Variants in CWF19L2 observed in about 807,000 individuals in gnomAD.
CWF19L2 encodes the protein CWF19-like protein 2.
In CWF19L2, 98 loss-of-function variants were observed where a neutral mutation model predicts 111.7. That is an observed-to-expected ratio of 0.88 (90% confidence interval 0.75 to 1.04). CWF19L2 has a LOEUF of 1.04. Among genes scored for constraint, CWF19L2 ranks in the 50% least tolerant of loss-of-function variants. The pLI is 0.00. For missense variants in CWF19L2, 1,101 were observed against 1,051.4 expected (o/e 1.05, Z -0.65); for synonymous variants, 351 against 342.9 (o/e 1.02, Z -0.26).
In CWF19L2 at chr11:107,454,591, G is replaced by A. The variant is rs1861827741; in HGVS notation, c.217-19C>T. On this transcript the variant is annotated intron_variant, in intron 2 of 17. Coordinates refer to ENST00000282251, the MANE Select transcript of CWF19L2 (RefSeq NM_152434.3). ...AGTGTTCCTACAATCATTTTGAACA[G>A]GCAAGAAAATAATTTAATTTCATCT... is the stretch of plus-strand genomic sequence containing the variant. 1.5e-6 allele frequency: 2 copies of A among 1,294,788 alleles called. No homozygotes were observed. The highest frequency in any genetic ancestry group is 2.0e-6 in the Non-Finnish European group (2 of 1,015,644). 80.2% of individuals were successfully genotyped at this position (1,294,788 alleles called of 1,614,324 possible).
At chr11:107,455,521 A>T (rs1343620661) in intron 2 of CWF19L2, 145 bp downstream of exon 2, 5 of 516,176 alleles carry the variant, frequency 9.7e-6, no homozygotes, top group Admixed American at 3.7e-5. Flanking sequence ...TGCCAAAGAG[A>T]TGAAACTATT....
At chr11:107,412,344 GTTT>G (rs1415821946) in intron 10 of CWF19L2, among the ~76,000 whole-genome samples, 1 of 152,186 alleles carries the variant, frequency 6.6e-6, no homozygotes, top group East Asian at 1.9e-4. Flanking sequence ...AGTTTTTTGG[GTTT>G]TTTTGTTTTT....
intron 8 of CWF19L2, among the ~76,000 whole-genome samples, chr11:107,428,272 C>T (rs898794494): frequency 1.3e-5 from 2 of 151,960 alleles, no homozygotes; most frequent in Non-Finnish European, 2.9e-5. Flanking sequence ...GTCAATTGCC[C>T]AAAGTGGATT....
rs753237667 is a variant in CWF19L2 at position 107,441,611 on chromosome 11, C to T, written c.462G>A (p.Trp154Ter). 1.3e-4 allele frequency: 197 copies of T among 1,528,984 alleles called. No individual in the cohort carries two copies. Among genetic ancestry groups the T allele is most frequent in the Non-Finnish European group, 7.9e-6 (9 of 1,139,952 alleles). The allele number at this position is 1,528,984 out of a possible 1,614,324, so 94.7% of individuals were successfully genotyped here. A position where few individuals can be genotyped will look rare whatever the true frequency, so the allele number is the denominator to read the frequency against. The part of the protein sequence containing the change: ...DDTQIIKRDE[W>*]MTVDFMSVKT... ...TAACAGACATAAAATCAACAGTCATCCACTCATCCCTCTGTTAAAAAAAAA... is the reference window on the plus strand; with the variant it reads ...TAACAGACATAAAATCAACAGTCATTCACTCATCCCTCTGTTAAAAAAAAA... The change falls in exon 5 of 18, where the codon TGG becomes TGA. Residue 154 changes from tryptophan to a stop codon, truncating the protein, a stop_gained. Coordinates refer to ENST00000282251, the MANE Select transcript of CWF19L2 (RefSeq NM_152434.3). LOFTEE classifies it high-confidence loss of function.
chr11:107,430,508 AG>A (rs1021688799), intron 7 of CWF19L2, among the ~76,000 whole-genome samples: 2 of 152,140 alleles, frequency 1.3e-5, no homozygotes, highest in Non-Finnish European at 2.9e-5. Flanking sequence ...AGCAATTCTG[AG>A]GGAAAAAAAT....
intron 10 of CWF19L2, among the ~76,000 whole-genome samples, chr11:107,393,907 G>A (rs1591180926): frequency 6.6e-6 from 1 of 152,216 alleles, no homozygotes; most frequent in East Asian, 1.9e-4. Context: ...AGTAATGGCT[G>A]AAAAAATTAC....
chr11:107,380,439 A>G (rs147729953), intron 12 of CWF19L2, among the ~76,000 whole-genome samples: 24 of 152,324 alleles, frequency 1.6e-4, no homozygotes, highest in Non-Finnish European at 3.4e-4. Context: ...TTAAACTTTG[A>G]TTAAAATCTG....
chr11:107,340,730 G>T (rs1245291963), intron 14 of CWF19L2, among the ~76,000 whole-genome samples: 1 of 151,992 alleles, frequency 6.6e-6, no homozygotes, highest in Non-Finnish European at 1.5e-5. Context: ...AATCTTGCTG[G>T]CACTTAGATA....
At chr11:107,379,382 A>G (rs1164794191) in intron 12 of CWF19L2, among the ~76,000 whole-genome samples, 1 of 152,248 alleles carries the variant, frequency 6.6e-6, no homozygotes, top group Non-Finnish European at 1.5e-5. Context: ...GGATGCTACT[A>G]AATCTTCTAT....
chr11:107,391,474 A>G (rs1860846080), intron 11 of CWF19L2, among the ~76,000 whole-genome samples: 4 of 152,222 alleles, frequency 2.6e-5, no homozygotes, highest in Admixed American at 1.3e-4. Context: ...TAAGCCATCC[A>G]GTCTATGTTA....
intron 12 of CWF19L2, among the ~76,000 whole-genome samples, chr11:107,383,768 A>G (rs1860726941): frequency 6.6e-6 from 1 of 152,230 alleles, no homozygotes; most frequent in Non-Finnish European, 1.5e-5. Flanking sequence ...ATAAGGTACT[A>G]ATAAAAAGTA....
chr11:107,391,720 C>T (rs181667578), intron 11 of CWF19L2, among the ~76,000 whole-genome samples: 11 of 152,276 alleles, frequency 7.2e-5, no homozygotes, highest in Admixed American at 3.9e-4. Context: ...TCTTTAACTT[C>T]TTTGAGATCT....
intron 14 of CWF19L2, among the ~76,000 whole-genome samples, chr11:107,339,665 CTTT>C (rs34093897): frequency 6.5e-4 from 85 of 129,948 alleles, no homozygotes; most frequent in African/African-American, 9.6e-4. Flanking sequence ...TTGTTTATCC[CTTT>C]TTTTTTTTTT....
At chr11:107,400,244 A>AAAC (rs1860981329) in intron 10 of CWF19L2, among the ~76,000 whole-genome samples, 5 of 151,262 alleles carry the variant, frequency 3.3e-5, no homozygotes, top group Non-Finnish European at 7.4e-5. Context: ...GAAATTGAAA[A>AAAC]AAACAAACCA....
chr11:107,356,898 C>T (rs1342808935), intron 12 of CWF19L2, among the ~76,000 whole-genome samples: 4 of 152,038 alleles, frequency 2.6e-5, no homozygotes, highest in African/African-American at 4.8e-5. Context: ...ATTAGCCAGG[C>T]GTGGTGGCAC....
chr11:107,338,841 C>T (rs1395561311), intron 14 of CWF19L2, among the ~76,000 whole-genome samples: 2 of 152,112 alleles, frequency 1.3e-5, no homozygotes, highest in Admixed American at 6.5e-5. Context: ...AGGTTGATTC[C>T]ATGTGTTTGC....
intron 14 of CWF19L2, among the ~76,000 whole-genome samples, chr11:107,340,254 A>G (rs1299304678): frequency 6.6e-6 from 1 of 152,038 alleles, no homozygotes; most frequent in Non-Finnish European, 1.5e-5. Context: ...TTTTCTCCCA[A>G]AAGTTTTATA....
intron 12 of CWF19L2, among the ~76,000 whole-genome samples, chr11:107,356,989 A>G (rs478815): frequency 0.83 from 125,792 of 152,158 alleles, 52,575 homozygotes; most frequent in African/African-American, 0.95. Flanking sequence ...TGTGGGCCGA[A>G]ATCACGCCAT....
Position 107,326,909 on chromosome 11 carries a change from C to T in CWF19L2, c.*1G>A, listed in dbSNP as rs907439754. ...AAAAATTTTAAAATGGAAGGTACAC[C>T]TCAATAGTTTTTACTTTTGGTGAAG... On this transcript the variant is annotated 3_prime_UTR_variant, in exon 18 of 18. Coordinates refer to ENST00000282251, the MANE Select transcript of CWF19L2 (RefSeq NM_152434.3). The T allele has an allele frequency of 1.3e-6, 2 of 1,592,848 alleles. No homozygotes were observed. Among genetic ancestry groups the T allele is most frequent in the African/African-American group, 1.4e-5 (1 of 73,308 alleles).
Sources: gnomAD v4.1 joint callset for allele counts (sites outside exome capture counted in the v4.1 genomes callset) on GRCh38, gnomAD v4.1.1 for gene constraint, MANE v1.5 for transcripts, NCBI Gene and HGNC (gene_info 2026-07-23, HGNC 2026-07-21) for gene names.